EYS: variants seen among roughly 807,000 people sequenced by gnomAD.
EYS encodes protein eyes shut homolog.
A neutral mutation model predicts 282.1 loss-of-function variants in EYS; 250 were observed. That is an observed-to-expected ratio of 0.89 (90% CI 0.80 to 0.98). The LOEUF is 0.98. Among genes scored for constraint, EYS ranks in the 50% least tolerant of loss-of-function variants. The probability of loss-of-function intolerance (pLI) is 0.00; values close to 1 mark genes in which losing one functional copy is unlikely to be tolerated. For missense variants in EYS, 4,016 were observed against 3,709.0 expected (o/e 1.08, Z -2.15); for synonymous variants, 1,355 against 1,282.9 (o/e 1.06, Z -1.20).
At chr6:63,802,501 C>A (rs992393527) in intron 37 of EYS, among the ~76,000 whole-genome samples, 11 of 151,574 alleles carry the variant, frequency 7.3e-5, no homozygotes, top group African/African-American at 1.9e-4. Context: ...ATAAAAAGCA[C>A]CTAAGATTCT....
At chr6:64,014,138 GT>G (rs1329760782) in intron 33 of EYS, among the ~76,000 whole-genome samples, 5 of 151,126 alleles carry the variant, frequency 3.3e-5, no homozygotes, top group East Asian at 3.9e-4. Context: ...AAAGAAAGAA[GT>G]TTTTTTTTCA....
Position 65,654,998 on chromosome 6 carries a change from AAAAT to A in EYS, c.-447-15110_-447-15107del, listed in dbSNP as rs1180660985. ...TTCATTAAAAAAAAAAAAAAAAAAA[AAAAT>A]GTTTGTCCAAGATTTTAGAGCAGGA... On this transcript the variant is annotated intron_variant, in intron 1 of 42. Transcript: ENST00000503581. Among the ~76,000 whole-genome samples the A allele has an allele frequency of 4.5e-3, 686 of 151,064 alleles. 4 individuals are homozygous for A. The highest frequency in any genetic ancestry group is 0.016 in the African/African-American group (648 of 41,242).
rs1764405073 is a variant in EYS, at chr6:64,533,097, T to C, written c.5644+57126A>G. ...GAAATGAAGAATGTATTTGAAGGGTTCAAAGATTAAAAGCCATGGAGAAGA... is the reference window on the plus strand; with the variant it reads ...GAAATGAAGAATGTATTTGAAGGGTCCAAAGATTAAAAGCCATGGAGAAGA... On this transcript the variant is annotated intron_variant, in intron 26 of 42. Coordinates refer to ENST00000503581, the MANE Select transcript of EYS (RefSeq NM_001142800.2). 5.3e-5 allele frequency among the ~76,000 whole-genome samples: 8 copies of C among 152,324 alleles called. No individual in the cohort carries two copies. The South Asian group carries it at 1.7e-3, about 32-fold the overall frequency.
chr6:65,420,273 A>C (rs2150376498), intron 5 of EYS, among the ~76,000 whole-genome samples: 1 of 152,140 alleles, frequency 6.6e-6, no homozygotes, highest in South Asian at 2.1e-4. Flanking sequence ...TTTATGTAAT[A>C]TTCTAAATCT....
intron 31 of EYS, among the ~76,000 whole-genome samples, chr6:64,228,603 T>C (rs1766322735): frequency 6.6e-6 from 1 of 152,140 alleles, no homozygotes; most frequent in Non-Finnish European, 1.5e-5. Flanking sequence ...AATTTATTAG[T>C]TTTTAAAATA....
intron 2 of EYS, among the ~76,000 whole-genome samples, chr6:65,624,313 T>C (rs1010742511): frequency 4.6e-5 from 7 of 152,162 alleles, no homozygotes; most frequent in African/African-American, 1.7e-4. Context: ...AATCCCTTGA[T>C]ATTGCACCTA....
At chr6:64,396,957 CTCTTT>C (rs1214014065) in intron 28 of EYS, among the ~76,000 whole-genome samples, 1 of 151,982 alleles carries the variant, frequency 6.6e-6, no homozygotes, top group African/African-American at 2.4e-5. Flanking sequence ...TGGGCTCTCT[CTCTTT>C]TATTGGTTCA....
At chr6:64,330,570 C>T (rs1231569309) in intron 29 of EYS, among the ~76,000 whole-genome samples, 1 of 152,108 alleles carries the variant, frequency 6.6e-6, no homozygotes, top group Admixed American at 6.6e-5. Flanking sequence ...CTACAGGAGT[C>T]TTGGTACAAA....
intron 21 of EYS, among the ~76,000 whole-genome samples, chr6:64,815,830 A>G (rs926085687): frequency 6.6e-6 from 1 of 152,046 alleles, no homozygotes; most frequent in African/African-American, 2.4e-5. Context: ...ATATTATGCC[A>G]GGAAATGTAC....
chr6:65,621,034 T>C (rs1766461834), intron 2 of EYS, among the ~76,000 whole-genome samples: 1 of 152,180 alleles, frequency 6.6e-6, no homozygotes, highest in Non-Finnish European at 1.5e-5. Context: ...ATTCTGTTGA[T>C]TTGAGGTGGA....
intron 35 of EYS, among the ~76,000 whole-genome samples, chr6:63,933,084 T>C (rs1581993437): frequency 6.6e-6 from 1 of 152,318 alleles, no homozygotes; most frequent in East Asian, 1.9e-4. Flanking sequence ...AAGAGCTGCA[T>C]AGGGCAAGGC....
intron 1 of EYS, among the ~76,000 whole-genome samples, chr6:65,693,387 ATCT>A (rs1276978699): frequency 7.2e-6 from 1 of 139,348 alleles, no homozygotes; most frequent in African/African-American, 2.6e-5. Context: ...AAAGCAAACA[ATCT>A]TCTTTTTTCC....
At chr6:65,147,205 A>G (rs544341349) in intron 12 of EYS, among the ~76,000 whole-genome samples, 1 of 152,164 alleles carries the variant, frequency 6.6e-6, no homozygotes, top group South Asian at 2.1e-4. Flanking sequence ...TTTACTCTGT[A>G]GCCAAGCACA....
intron 26 of EYS, among the ~76,000 whole-genome samples, chr6:64,553,260 A>G (rs920365667): frequency 4.6e-5 from 7 of 152,136 alleles, no homozygotes; most frequent in Non-Finnish European, 7.4e-5. Context: ...CCAGCAATAT[A>G]CTTAATTATC....
At chr6:65,041,758 C>A (rs1772943649) in intron 13 of EYS, among the ~76,000 whole-genome samples, 1 of 151,616 alleles carries the variant, frequency 6.6e-6, no homozygotes, top group South Asian at 2.1e-4. Flanking sequence ...TGTATATTTT[C>A]TATCTTTCAC....
At chr6:64,258,092 C>A (rs756429624) in intron 30 of EYS, among the ~76,000 whole-genome samples, 4 of 151,990 alleles carry the variant, frequency 2.6e-5, no homozygotes, top group Admixed American at 6.6e-5. Flanking sequence ...AGAAGCTATG[C>A]GTATTCATTC....
intron 22 of EYS, among the ~76,000 whole-genome samples, chr6:64,791,765 T>C (rs1774199959): frequency 6.6e-6 from 1 of 151,882 alleles, no homozygotes; most frequent in Non-Finnish European, 1.5e-5. Context: ...TTGAGACACA[T>C]ATTAAAGGAA....
chr6:64,641,663 G>T (rs1250410913), intron 22 of EYS, among the ~76,000 whole-genome samples: 4 of 152,050 alleles, frequency 2.6e-5, no homozygotes, highest in African/African-American at 9.7e-5. Flanking sequence ...TAAGGCAGAG[G>T]TCTCCAACAC....
chr6:64,327,543 C>T (rs543432009), intron 29 of EYS, among the ~76,000 whole-genome samples: 61 of 152,038 alleles, frequency 4.0e-4, no homozygotes, highest in African/African-American at 1.3e-3. Context: ...GGGTAGTCAC[C>T]GGGGTTGGAG....
Sources: gnomAD v4.1 joint callset for allele counts (sites outside exome capture counted in the v4.1 genomes callset) on GRCh38, gnomAD v4.1.1 for gene constraint, MANE v1.5 for transcripts, NCBI Gene and HGNC (gene_info 2026-07-23, HGNC 2026-07-21) for gene names.